Variants in PARD3B observed in about 807,000 individuals in gnomAD.
The protein encoded by PARD3B is par-3 family cell polarity regulator beta, also known as partitioning defective 3 homolog B.
Under a neutral mutation model 130.2 loss-of-function variants are expected in PARD3B, and 103 were observed. The observed-to-expected ratio is 0.79, with a 90% confidence interval of 0.67 to 0.93. The LOEUF (loss-of-function observed/expected upper bound fraction) is 0.93, where lower values mean the gene tolerates loss of function less well. PARD3B is among the 40% of genes least tolerant of loss of function. The probability of loss-of-function intolerance (pLI) is 0.00; values close to 1 mark genes in which losing one functional copy is unlikely to be tolerated. For missense variants in PARD3B, 1,609 were observed against 1,499.2 expected (o/e 1.07, Z -1.21); for synonymous variants, 583 against 553.2 (o/e 1.05, Z -0.76).
At chr2:204,922,915 A>G (rs1215993293) in intron 2 of PARD3B, among the ~76,000 whole-genome samples, 11 of 152,100 alleles carry the variant, frequency 7.2e-5, no homozygotes, top group Non-Finnish European at 1.6e-4. Flanking sequence ...TAAACGATAT[A>G]ACATACCTTT....
At chr2:204,980,305 A>C (rs1042736541) in intron 3 of PARD3B, among the ~76,000 whole-genome samples, 16 of 152,198 alleles carry the variant, frequency 1.1e-4, no homozygotes, top group Admixed American at 2.6e-4. Flanking sequence ...TTATAACCCA[A>C]CATATAAAGT....
At chr2:204,987,042 TG>T (rs1232727118) in intron 3 of PARD3B, among the ~76,000 whole-genome samples, 1 of 152,214 alleles carries the variant, frequency 6.6e-6, no homozygotes, top group East Asian at 1.9e-4. Flanking sequence ...CTCGTGTGGC[TG>T]TATAGTATTG....
intron 16 of PARD3B, among the ~76,000 whole-genome samples, chr2:205,271,886 G>A (rs938744507): frequency 6.6e-6 from 1 of 152,102 alleles, no homozygotes; most frequent in Non-Finnish European, 1.5e-5. Context: ...GGCTGGGTGC[G>A]GTGGCTCCTG....
chr2:204,630,669 G>A (rs1049846755), intron 1 of PARD3B, among the ~76,000 whole-genome samples: 7 of 152,240 alleles, frequency 4.6e-5, no homozygotes, highest in Admixed American at 2.0e-4. Flanking sequence ...GTGATGGGAA[G>A]TGTCCTATTA....
intron 2 of PARD3B, among the ~76,000 whole-genome samples, chr2:204,741,227 A>G (rs552895330): frequency 6.6e-6 from 1 of 152,212 alleles, no homozygotes; most frequent in Non-Finnish European, 1.5e-5. Context: ...GATATAAAAG[A>G]AAGGAGAAAA....
chr2:205,556,011 C>G (rs2052866552), intron 22 of PARD3B, among the ~76,000 whole-genome samples: 1 of 152,132 alleles, frequency 6.6e-6, no homozygotes, highest in Admixed American at 6.5e-5. Flanking sequence ...GTGACATTTA[C>G]CCTGGTTTTC....
intron 1 of PARD3B, among the ~76,000 whole-genome samples, chr2:204,629,612 A>G (rs1175746728): frequency 6.6e-6 from 1 of 151,950 alleles, no homozygotes; most frequent in Non-Finnish European, 1.5e-5. Flanking sequence ...TTACAGCTAT[A>G]GTAACCATAG....
At position 205,592,252 on chromosome 2, in the gene PARD3B, G is replaced by C. The variant is rs1401199335; in HGVS notation, c.3261-23204G>C. On this transcript the variant is annotated intron_variant, in intron 22 of 22. Transcript: ENST00000406610. This position sits in a 1 kb window ranked among gnomAD's most constrained non-coding sequence, Gnocchi z 4.5. Reference sequence around the variant, plus strand: ...GTGCTCTTGTTTACTATAGTGGGCTGAGCGTAACATCAAGGTTGACTTGTT... The same window carrying C: ...GTGCTCTTGTTTACTATAGTGGGCTCAGCGTAACATCAAGGTTGACTTGTT... 6.6e-6 allele frequency among the ~76,000 whole-genome samples: 1 copy of C among 152,194 alleles called. No individual in the cohort carries two copies. The highest frequency in any genetic ancestry group is 2.4e-5 in the African/African-American group (1 of 41,444).
intron 1 of PARD3B, among the ~76,000 whole-genome samples, chr2:204,571,163 A>G (rs1030048033): frequency 6.6e-6 from 1 of 152,200 alleles, no homozygotes; most frequent in Admixed American, 6.5e-5. Context: ...GCTGGCAAAG[A>G]AGGTGAAATA....
At chr2:205,510,420 C>T (rs879916640) in intron 21 of PARD3B, among the ~76,000 whole-genome samples, 5 of 152,168 alleles carry the variant, frequency 3.3e-5, no homozygotes, top group Non-Finnish European at 5.9e-5. Flanking sequence ...TTGAGGGTGG[C>T]CTTCACATCC....
At chr2:205,371,530 A>C (rs537397985) in intron 18 of PARD3B, among the ~76,000 whole-genome samples, 1 of 152,184 alleles carries the variant, frequency 6.6e-6, no homozygotes, top group Non-Finnish European at 1.5e-5. Flanking sequence ...GAGGCTGTAG[A>C]GTTTTCTGAT....
chr2:204,879,045 A>G (rs930552940), intron 2 of PARD3B, among the ~76,000 whole-genome samples: 6 of 152,160 alleles, frequency 3.9e-5, no homozygotes, highest in Admixed American at 2.6e-4. Context: ...TATGCTATAA[A>G]TGTTTTACTC....
At chr2:205,096,714 G>A (rs1008706652) in intron 4 of PARD3B, among the ~76,000 whole-genome samples, 14 of 152,162 alleles carry the variant, frequency 9.2e-5, no homozygotes, top group Admixed American at 6.5e-4. Context: ...CATAAGCCAA[G>A]GATTTGAGCC....
At position 205,461,421 on chromosome 2, in the gene PARD3B, A is replaced by G. The variant is rs530470214; in HGVS notation, c.3044+20749A>G. 4.5e-4 allele frequency among the ~76,000 whole-genome samples: 69 copies of G among 152,300 alleles called. No homozygotes were observed. The South Asian group carries it at 0.014, about 31-fold the overall frequency. The stretch of plus-strand genomic sequence containing the variant: ...TCTGCCTGGCGCCTTTCTTCCCTTC[A>G]TTGAACCAAGAGGTATTCCCTAGCA... On this transcript the variant is annotated intron_variant, in intron 20 of 22. Transcript: ENST00000406610. This position sits in a 1 kb window ranked among gnomAD's most constrained non-coding sequence, Gnocchi z 4.3.
chr2:205,017,404 C>A (rs1696229778), intron 3 of PARD3B, among the ~76,000 whole-genome samples: 2 of 152,070 alleles, frequency 1.3e-5, no homozygotes, highest in South Asian at 4.1e-4. Context: ...CCTCAGTTGC[C>A]CCCCCATTCC....
rs535638521 is a variant in PARD3B at position 205,183,899 on chromosome 2, G to A, written c.1925-1865G>A. 6.6e-5 allele frequency among the ~76,000 whole-genome samples: 10 copies of A among 152,190 alleles called. No homozygotes were observed. Among genetic ancestry groups the A allele is most frequent in the East Asian group, 3.9e-4 (2 of 5,174 alleles). ...ATGGTGCAGATTGAGTCTGAAGGCC[G>A]GAGAACCAGAAAAGCTGGTGGCGTG... On this transcript the variant is annotated intron_variant, in intron 13 of 22. Coordinates refer to ENST00000406610, the MANE Select transcript of PARD3B (RefSeq NM_001302769.2). The surrounding 1 kb of genome is among the most constrained non-coding windows in gnomAD (Gnocchi z 5.2).
intron 18 of PARD3B, among the ~76,000 whole-genome samples, chr2:205,328,119 G>T (rs2042996355): frequency 1.3e-5 from 2 of 152,022 alleles, no homozygotes; most frequent in African/African-American, 4.8e-5. Context: ...ACATTTTAAA[G>T]AATATATAGA....
At chr2:204,651,454 G>A (rs373868265) in intron 1 of PARD3B, among the ~76,000 whole-genome samples, 9 of 152,188 alleles carry the variant, frequency 5.9e-5, no homozygotes, top group African/African-American at 1.9e-4. Flanking sequence ...TCACATCCAG[G>A]GCACACTGGT....
At chr2:205,581,581 A>G (rs1340851666) in intron 22 of PARD3B, among the ~76,000 whole-genome samples, 1 of 150,434 alleles carries the variant, frequency 6.6e-6, no homozygotes, top group Non-Finnish European at 1.5e-5. Context: ...TTTAGTATAT[A>G]TTTTTAAATA....
Sources: gnomAD v4.1 joint callset for allele counts (sites outside exome capture counted in the v4.1 genomes callset) on GRCh38, gnomAD v4.1.1 for gene constraint, Gnocchi (gnomAD v3.1) non-coding constraint, MANE v1.5 for transcripts, NCBI Gene and HGNC (gene_info 2026-07-23, HGNC 2026-07-21) for gene names.